The following LAMA2 variants were observed in gnomAD, a reference collection of about 807,000 sequenced individuals.
LAMA2 encodes laminin subunit alpha-2.
Under a neutral mutation model 364.8 loss-of-function variants are expected in LAMA2, and 269 were observed. The ratio of observed to expected loss-of-function variants is 0.74; its 90% CI spans 0.67 to 0.82. The LOEUF (loss-of-function observed/expected upper bound fraction) is 0.82. Ranked by LOEUF, LAMA2 falls within the 40% of genes least tolerant of loss-of-function variation. LAMA2 has a pLI of 0.00. For synonymous variants in LAMA2, 1,379 were observed against 1,370.6 expected (o/e 1.01, Z -0.14); for missense variants, 3,807 against 3,873.2 (o/e 0.98, Z 0.45).
At chr6:129,043,777 C>G (rs1032010169) in intron 1 of LAMA2, among the ~76,000 whole-genome samples, 1 of 152,224 alleles carries the variant, frequency 6.6e-6, no homozygotes, top group African/African-American at 2.4e-5. Context: ...CTCACCCATT[C>G]TTTTTTGTTG....
intron 1 of LAMA2, among the ~76,000 whole-genome samples, chr6:128,938,337 T>G (rs1342473831): frequency 6.6e-6 from 1 of 152,188 alleles, no homozygotes; most frequent in Admixed American, 6.5e-5. Flanking sequence ...TTTATTATTT[T>G]TATGATTAAC....
intron 12 of LAMA2, among the ~76,000 whole-genome samples, chr6:129,225,147 G>A (rs1050557975): frequency 6.6e-6 from 1 of 152,126 alleles, no homozygotes; most frequent in African/African-American, 2.4e-5. Context: ...TTCTCTGATG[G>A]TAGTTTGTAT....
At chr6:129,361,572 G>A (rs1056863545) in intron 32 of LAMA2, among the ~76,000 whole-genome samples, 6 of 152,168 alleles carry the variant, frequency 3.9e-5, no homozygotes, top group East Asian at 1.9e-4. Context: ...CCTCTCTCAC[G>A]TTGCCTCCCT....
intron 9 of LAMA2, among the ~76,000 whole-genome samples, chr6:129,173,074 G>A (rs896118999): frequency 2.0e-5 from 3 of 152,168 alleles, no homozygotes; most frequent in Non-Finnish European, 4.4e-5. Flanking sequence ...CCACTGTCTG[G>A]CATTCCCTAG....
chr6:128,929,856 A>G, intron 1 of LAMA2: 1 of 1,003,034 alleles, frequency 1.0e-6, no homozygotes, highest in Non-Finnish European at 1.6e-6. Flanking sequence ...AACTTGCCTG[A>G]AGACTTCCAC....
intron 12 of LAMA2, among the ~76,000 whole-genome samples, chr6:129,219,346 T>C (rs987959895): frequency 2.6e-5 from 4 of 152,008 alleles, no homozygotes; most frequent in Admixed American, 1.3e-4. Flanking sequence ...GGAGAGGATG[T>C]GGAGAAATAG....
At chr6:128,957,836 A>ATTTTTTTTTTTTTTT (rs10652900) in intron 1 of LAMA2, among the ~76,000 whole-genome samples, 51 of 51,234 alleles carry the variant, frequency 1.0e-3, no homozygotes, top group East Asian at 1.2e-3. Flanking sequence ...TACTTCATGC[A>ATTTTTTTTTTTTTTT]TTTTTTTTTT....
chr6:129,042,099 G>A (rs1230719452), intron 1 of LAMA2, among the ~76,000 whole-genome samples: 6 of 151,700 alleles, frequency 4.0e-5, no homozygotes, highest in Non-Finnish European at 8.8e-5. Context: ...GAGGTCAGGA[G>A]TTCAAAACCA....
At chr6:128,922,534 C>T (rs1360518670) in intron 1 of LAMA2, among the ~76,000 whole-genome samples, 16 of 151,292 alleles carry the variant, frequency 1.1e-4, no homozygotes, top group Non-Finnish European at 1.6e-4. Context: ...TCATGTCCTT[C>T]GCCCACTTGT....
chr6:129,481,176 A>C (rs1239323011), intron 54 of LAMA2, 87 bp from the exon 55 acceptor site: 2 of 989,516 alleles, frequency 2.0e-6, no homozygotes, highest in Non-Finnish European at 3.3e-6. Context: ...AATCACATTA[A>C]TTGCATCGAG....
At chr6:129,399,752 A>T (rs1237898055) in intron 37 of LAMA2, among the ~76,000 whole-genome samples, 2 of 152,222 alleles carry the variant, frequency 1.3e-5, no homozygotes, top group African/African-American at 4.8e-5. Context: ...GGCAGGAACT[A>T]GTTGTATGTA....
chr6:128,982,055 G>A lies in LAMA2; in HGVS notation c.113-67863G>A, dbSNP rs9482966. 5.4e-3 allele frequency among the ~76,000 whole-genome samples: 817 copies of A among 152,236 alleles called. 9 individuals carry two copies. The highest frequency in any genetic ancestry group is 0.018 in the African/African-American group (746 of 41,542). On this transcript the variant is annotated intron_variant, in intron 1 of 64. Transcript: ENST00000421865. Reference sequence around the variant, plus strand: ...CTTCTTTACTGCATTGCTCCTTGAGGTAGCAAGGATGTCTTCTTTATTAGC... The same window carrying A: ...CTTCTTTACTGCATTGCTCCTTGAGATAGCAAGGATGTCTTCTTTATTAGC...
In LAMA2 at chr6:129,068,313, G is replaced by T. The variant is rs115074110; in HGVS notation, c.396+8417G>T. Among the ~76,000 whole-genome samples the T allele has an allele frequency of 2.6e-3, 400 of 152,204 alleles. 3 individuals carry two copies. The highest frequency in any genetic ancestry group is 9.2e-3 in the African/African-American group (381 of 41,532). The stretch of plus-strand genomic sequence containing the variant: ...TGAATGGCATTGTTTTAGTCTATTT[G>T]GGCTATTATAACAAAGTACCAGATG... On this transcript the variant is annotated intron_variant, in intron 3 of 64. Coordinates refer to ENST00000421865, the MANE Select transcript of LAMA2 (RefSeq NM_000426.4).
Position 129,372,885 on chromosome 6 carries a change from C to T in LAMA2, c.4959+2895C>T, listed in dbSNP as rs545639602. On this transcript the variant is annotated intron_variant, in intron 34 of 64. Transcript: ENST00000421865. The stretch of plus-strand genomic sequence containing the variant: ...TCATTCTTGTTTTAGTTTGCAATTC[C>T]TTAATGACATATGATGTCGAGCATC... Among the ~76,000 whole-genome samples, 8 of 152,210 alleles carry T rather than the reference C, an allele frequency of 5.3e-5. 1 individual carries two copies. The highest frequency in any genetic ancestry group is 1.7e-4 in the African/African-American group (7 of 41,534).
intron 40 of LAMA2, among the ~76,000 whole-genome samples, chr6:129,413,351 A>G (rs1453799825): frequency 6.6e-6 from 1 of 152,146 alleles, no homozygotes; most frequent in African/African-American, 2.4e-5. Flanking sequence ...ATAGGGAATG[A>G]TTTTACCATA....
chr6:129,253,349 G>C (rs975520883), intron 14 of LAMA2, among the ~76,000 whole-genome samples: 1 of 152,086 alleles, frequency 6.6e-6, no homozygotes, highest in Non-Finnish European at 1.5e-5. Flanking sequence ...TTTTATTGCT[G>C]ACACCACCAC....
At chr6:129,167,142 C>A (rs1021843233) in intron 9 of LAMA2, among the ~76,000 whole-genome samples, 9 of 151,852 alleles carry the variant, frequency 5.9e-5, no homozygotes, top group Non-Finnish European at 1.3e-4. Context: ...AAATATTGAG[C>A]CTTTTTTCCG....
chr6:129,454,336 A>T (rs754909458), intron 47 of LAMA2, 48 bp downstream of exon 47: 1 of 1,499,234 alleles, frequency 6.7e-7, no homozygotes, highest in Non-Finnish European at 9.2e-7. Context: ...AGAATTTTGA[A>T]GTAGTTTCCC....
At chr6:129,410,953 A>G (rs1780511833) in intron 40 of LAMA2, among the ~76,000 whole-genome samples, 1 of 151,968 alleles carries the variant, frequency 6.6e-6, no homozygotes, top group Admixed American at 6.6e-5. Flanking sequence ...ATGAGATGAG[A>G]TGTCCCAGCT....
Sources: allele counts gnomAD v4.1 joint callset (sites outside exome capture counted in the v4.1 genomes callset), GRCh38; gene constraint gnomAD v4.1.1; transcripts MANE v1.5; gene names NCBI Gene and HGNC (gene_info 2026-07-23, HGNC 2026-07-21).